NPAS3: variants seen among roughly 807,000 people sequenced by gnomAD.
NPAS3 encodes neuronal PAS domain-containing protein 3.
In NPAS3, 14 loss-of-function variants were observed where a neutral mutation model predicts 73.1. That is an observed-to-expected ratio of 0.19 (90% CI 0.13 to 0.30). NPAS3 has a LOEUF of 0.30. NPAS3 is among the 10% of genes least tolerant of loss of function. The pLI, the probability that NPAS3 is intolerant of heterozygous loss-of-function variation, is 1.00. For synonymous variants in NPAS3, 620 were observed against 541.5 expected, an observed-to-expected ratio of 1.14 and a Z score of -2.01; for missense variants, 1,096 against 1,250.0, an observed-to-expected ratio of 0.88 and a Z score of 1.86.
intron 3 of NPAS3, among the ~76,000 whole-genome samples, chr14:33,315,369 G>A (rs1198314929): frequency 3.3e-5 from 5 of 151,994 alleles, no homozygotes; most frequent in African/African-American, 7.2e-5. Flanking sequence ...TCTTTATTGT[G>A]TTTCCTTGAT....
chr14:33,650,357 CTTAAGT>C (rs997712654), intron 5 of NPAS3, among the ~76,000 whole-genome samples: 10 of 152,098 alleles, frequency 6.6e-5, no homozygotes, highest in African/African-American at 2.4e-4. Context: ...GAAAAGATTT[CTTAAGT>C]TTATTTCCCA....
intron 4 of NPAS3, among the ~76,000 whole-genome samples, chr14:33,464,101 A>C (rs968932380): frequency 2.0e-5 from 3 of 152,140 alleles, no homozygotes. Flanking sequence ...GATATCCCAA[A>C]ACAGTTAAGT....
chr14:33,680,869 T>C (rs73257007), intron 6 of NPAS3: 9,268 of 507,902 alleles, frequency 0.018, 633 homozygotes, highest in African/African-American at 0.15. Flanking sequence ...GTTATCATGT[T>C]TTGTCTAAAT....
At chr14:33,026,047 G>A (rs965311384) in intron 1 of NPAS3, among the ~76,000 whole-genome samples, 6 of 152,206 alleles carry the variant, frequency 3.9e-5, no homozygotes, top group Admixed American at 6.5e-5. Flanking sequence ...GGCCTTCACC[G>A]CCAATAGCAG....
upstream of NPAS3, chr14:32,934,878 GGTGACGGCCGCGGCGGCCGGC>G (rs1415132707): frequency 9.4e-6 from 7 of 742,332 alleles, no homozygotes; most frequent in South Asian, 5.8e-5. This position sits in a 1 kb window ranked among gnomAD's most constrained non-coding sequence, Gnocchi z 4.1. Flanking sequence ...TCAGCGTGCA[GGTGACGGCCGCGGCGGCCGGC>G]GGGGCGGCCG....
At chr14:33,724,884 G>A (rs1404641663) in intron 6 of NPAS3, among the ~76,000 whole-genome samples, 1 of 151,974 alleles carries the variant, frequency 6.6e-6, no homozygotes, top group South Asian at 2.1e-4. Flanking sequence ...TTTTTTAAAA[G>A]CTCAGCCCCA....
intron 1 of NPAS3, among the ~76,000 whole-genome samples, chr14:33,040,073 T>C (rs2138409519): frequency 6.6e-6 from 1 of 152,266 alleles, no homozygotes; most frequent in Admixed American, 6.5e-5. Flanking sequence ...TTTTTTTTAC[T>C]CCAGTGAATT....
intron 3 of NPAS3, among the ~76,000 whole-genome samples, chr14:33,225,568 A>G (rs2047599280): frequency 6.6e-6 from 1 of 152,240 alleles, no homozygotes; most frequent in Non-Finnish European, 1.5e-5. Context: ...AAAAGTAGCT[A>G]TATAGACAAG....
chr14:33,435,147 A>G (rs1277257854), intron 4 of NPAS3, among the ~76,000 whole-genome samples: 1 of 152,224 alleles, frequency 6.6e-6, no homozygotes, highest in African/African-American at 2.4e-5. Flanking sequence ...CATCTACAAA[A>G]CATTTGTCCA....
At chr14:33,659,467 C>T (rs1282360466) in intron 5 of NPAS3, among the ~76,000 whole-genome samples, 3 of 152,168 alleles carry the variant, frequency 2.0e-5, no homozygotes, top group Non-Finnish European at 4.4e-5. Context: ...TGTCCCAGAA[C>T]CCAACCAAAT....
intron 2 of NPAS3, among the ~76,000 whole-genome samples, chr14:33,065,571 C>A (rs1451098107): frequency 6.6e-6 from 1 of 151,868 alleles, no homozygotes; most frequent in Non-Finnish European, 1.5e-5. Flanking sequence ...CGTTGTGATT[C>A]GTATATCAAT....
At chr14:33,017,951 T>G (rs1311278851) in intron 1 of NPAS3, among the ~76,000 whole-genome samples, 8 of 152,222 alleles carry the variant, frequency 5.3e-5, no homozygotes, top group Non-Finnish European at 1.2e-4. Context: ...ATAAAATTGA[T>G]CTAAATGTTT....
chr14:33,519,724 T>G (rs1431168102), intron 4 of NPAS3, among the ~76,000 whole-genome samples: 1 of 152,148 alleles, frequency 6.6e-6, no homozygotes, highest in Non-Finnish European at 1.5e-5. Context: ...TATCACATCT[T>G]CCTCACAAAT....
intron 5 of NPAS3, among the ~76,000 whole-genome samples, chr14:33,566,934 C>T (rs2055979157): frequency 6.6e-6 from 1 of 152,212 alleles, no homozygotes; most frequent in Non-Finnish European, 1.5e-5. Flanking sequence ...CAGTGGCAGC[C>T]TCTTTGCAGA....
chr14:32,979,249 C>T (rs551587501), intron 1 of NPAS3, among the ~76,000 whole-genome samples: 1 of 152,286 alleles, frequency 6.6e-6, no homozygotes, highest in Non-Finnish European at 1.5e-5. Flanking sequence ...CTTAAAACCT[C>T]TATGCCTTCA....
intron 7 of NPAS3, among the ~76,000 whole-genome samples, chr14:33,746,467 G>A (rs1018277207): frequency 4.0e-5 from 6 of 150,038 alleles, no homozygotes; most frequent in South Asian, 4.2e-4. Flanking sequence ...GATTACAGAC[G>A]TGAGCCACCA....
At chr14:33,094,774 A>G (rs1410136194) in intron 2 of NPAS3, among the ~76,000 whole-genome samples, 1 of 152,158 alleles carries the variant, frequency 6.6e-6, no homozygotes, top group African/African-American at 2.4e-5. Flanking sequence ...CTGATGAAGT[A>G]ATAACAGACA....
intron 1 of NPAS3, among the ~76,000 whole-genome samples, chr14:33,018,875 G>A (rs533964359): frequency 4.6e-5 from 7 of 151,912 alleles, no homozygotes; most frequent in South Asian, 2.1e-4. Flanking sequence ...TTTCTTTGAC[G>A]TTTGTATGCA....
chr14:32,999,322 T>C (rs913727402), intron 1 of NPAS3, among the ~76,000 whole-genome samples: 5 of 152,040 alleles, frequency 3.3e-5, no homozygotes, highest in Admixed American at 6.6e-5. Context: ...CCATCCTGGC[T>C]AACACGGTGA....
Sources: gnomAD v4.1 joint callset for allele counts (sites outside exome capture counted in the v4.1 genomes callset) on GRCh38, gnomAD v4.1.1 for gene constraint, Gnocchi (gnomAD v3.1) non-coding constraint, MANE v1.5 for transcripts, NCBI Gene and HGNC (gene_info 2026-07-23, HGNC 2026-07-21) for gene names.